Variants in CELF2 observed in about 807,000 individuals in gnomAD.
The protein encoded by CELF2 is CUGBP Elav-like family member 2.
A neutral mutation model predicts 62.6 loss-of-function variants in CELF2; 8 were observed. The observed-to-expected ratio is 0.13, with a 90% confidence interval of 0.07 to 0.23. CELF2 has a LOEUF of 0.23. Ranked by LOEUF, CELF2 falls within the 10% of genes least tolerant of loss-of-function variation. The probability of loss-of-function intolerance (pLI) is 1.00; values close to 1 mark genes in which losing one functional copy is unlikely to be tolerated. For synonymous variants in CELF2, 258 were observed against 250.0 expected (o/e 1.03, Z -0.30); for missense variants, 333 against 671.0 (o/e 0.50, Z 5.56).
At chr10:11,163,379 G>A (rs141867211) in intron 1 of CELF2, among the ~76,000 whole-genome samples, 26 of 152,264 alleles carry the variant, frequency 1.7e-4, no homozygotes, top group African/African-American at 6.0e-4. Flanking sequence ...AATAAGTCTT[G>A]CCACACTCTC....
At chr10:10,696,884 G>T in the CELF2 span, among the ~76,000 whole-genome samples, 1 of 152,176 alleles carries the variant, frequency 6.6e-6, no homozygotes, top group East Asian at 1.9e-4. Context: ...CCACTGTCTG[G>T]CACTCCCTAG....
At chr10:11,139,167 C>T (rs2060898258) in intron 1 of CELF2, among the ~76,000 whole-genome samples, 1 of 152,106 alleles carries the variant, frequency 6.6e-6, no homozygotes, top group African/African-American at 2.4e-5. Flanking sequence ...GAGAATGTTA[C>T]TTGTAAGGAA....
At chr10:10,595,083 C>T in the CELF2 span, among the ~76,000 whole-genome samples, 3 of 152,222 alleles carry the variant, frequency 2.0e-5, no homozygotes, top group East Asian at 1.9e-4. Flanking sequence ...AGTTTGTAGA[C>T]ACACTAGTGT....
At position 10,966,317 on chromosome 10, in the gene CELF2, T is replaced by C. The variant is rs73579410; in HGVS notation, c.89+46318T>C. Among the ~76,000 whole-genome samples the C allele has an allele frequency of 1.9e-3, 288 of 152,312 alleles. 1 individual carries two copies. Among genetic ancestry groups the C allele is most frequent in the African/African-American group, 6.5e-3 (272 of 41,576 alleles). On this transcript the variant is annotated intron_variant, in intron 2 of 13. Transcript: ENST00000636488. ...ATGCTGCTTTTCTTCCAGAGCTGGGTCAATGAGTGTGGTACAGTGGAGCTG... is the reference window on the plus strand; with the variant it reads ...ATGCTGCTTTTCTTCCAGAGCTGGGCCAATGAGTGTGGTACAGTGGAGCTG...
At chr10:11,002,191 G>A (rs1592933087), upstream of CELF2, among the ~76,000 whole-genome samples, 1 of 152,280 alleles carries the variant, frequency 6.6e-6, no homozygotes, top group African/African-American at 2.4e-5. This position sits in a 1 kb window ranked among gnomAD's most constrained non-coding sequence, Gnocchi z 4.4. Context: ...GGAAATGAGA[G>A]CCAAGTGAAA....
At chr10:10,682,503 T>C in the CELF2 span, among the ~76,000 whole-genome samples, 1 of 152,206 alleles carries the variant, frequency 6.6e-6, no homozygotes, top group African/African-American at 2.4e-5. Flanking sequence ...AGGTAAGAGC[T>C]TGCTTCTTGC....
rs2096071213 is a variant in CELF2, at chr10:11,333,778, A to ATTTTGTTGTTTGATGGAAT, written c.*4728_*4746dup. On this transcript the variant is annotated 3_prime_UTR_variant, in exon 13 of 13. Transcript: ENST00000633077. The stretch of plus-strand genomic sequence containing the variant: ...TTGTTTGTTTTATTGATGCATTTGG[A>ATTTTGTTGTTTGATGGAAT]TTTTGTTGTTTGATGGAATTTGAGC... 2 of 152,204 alleles carry ATTTTGTTGTTTGATGGAAT rather than the reference A, an allele frequency of 1.3e-5. No individual in the cohort carries two copies. The highest frequency in any genetic ancestry group is 1.3e-4 in the Admixed American group (2 of 15,242). The allele number at this position is 152,204 out of a possible 1,614,324, so 9.4% of individuals were successfully genotyped here.
At chr10:10,787,457 A>G in the CELF2 span, among the ~76,000 whole-genome samples, 1 of 152,232 alleles carries the variant, frequency 6.6e-6, no homozygotes, top group Non-Finnish European at 1.5e-5. Flanking sequence ...TTAAAAGTGA[A>G]CTCAAGCTTT....
At chr10:10,921,536 G>T (rs2064912975) in intron 2 of CELF2, among the ~76,000 whole-genome samples, 1 of 152,248 alleles carries the variant, frequency 6.6e-6, no homozygotes, top group Non-Finnish European at 1.5e-5. Context: ...CCAAGGTGCT[G>T]GGATTACAGG....
chr10:10,474,679 G>T, the CELF2 span, among the ~76,000 whole-genome samples: 1 of 152,078 alleles, frequency 6.6e-6, no homozygotes, highest in African/African-American at 2.4e-5. Context: ...CCTGCTGTGG[G>T]GGTTATTAGT....
intron 1 of CELF2, among the ~76,000 whole-genome samples, chr10:11,064,116 C>G (rs2067481528): frequency 6.6e-6 from 1 of 152,146 alleles, no homozygotes; most frequent in African/African-American, 2.4e-5. Flanking sequence ...GGAGTTTATG[C>G]TTGTTGTTTC....
chr10:11,235,966 G>A (rs1384643224), intron 3 of CELF2, among the ~76,000 whole-genome samples: 1 of 152,202 alleles, frequency 6.6e-6, no homozygotes, highest in Non-Finnish European at 1.5e-5. Context: ...AATGGAAAAA[G>A]ATTGCTGAGT....
At chr10:11,041,032 G>A (rs67259261) in intron 1 of CELF2, among the ~76,000 whole-genome samples, 33,682 of 152,082 alleles carry the variant, frequency 0.22, 4,001 homozygotes, top group Middle Eastern at 0.29. Flanking sequence ...TGGAGACTAC[G>A]GAGTCCAACA....
At chr10:10,624,149 A>C in the CELF2 span, among the ~76,000 whole-genome samples, 11 of 152,250 alleles carry the variant, frequency 7.2e-5, no homozygotes, top group Non-Finnish European at 1.6e-4. Flanking sequence ...AAGGGTGACA[A>C]ACAGATCCCT....
the CELF2 span, among the ~76,000 whole-genome samples, chr10:10,729,874 C>G: frequency 1.3e-5 from 2 of 152,238 alleles, no homozygotes; most frequent in East Asian, 3.9e-4. Flanking sequence ...ATTACTCTTA[C>G]AGTGAAACCT....
At chr10:10,842,111 A>G (rs2058723506) in intron 1 of CELF2, among the ~76,000 whole-genome samples, 1 of 152,042 alleles carries the variant, frequency 6.6e-6, no homozygotes, top group South Asian at 2.1e-4. Context: ...ATTGCTGTAT[A>G]TGGTGAAAAA....
At chr10:10,806,169 A>G (rs1211339715) in intron 1 of CELF2, among the ~76,000 whole-genome samples, 8 of 150,658 alleles carry the variant, frequency 5.3e-5, no homozygotes, top group African/African-American at 1.7e-4. Flanking sequence ...TATTTCCTGG[A>G]GCAGAGCATG....
At chr10:10,945,231 G>T (rs1435396192) in intron 2 of CELF2, among the ~76,000 whole-genome samples, 1 of 152,312 alleles carries the variant, frequency 6.6e-6, no homozygotes, top group East Asian at 1.9e-4. Flanking sequence ...AAGGTTGTTT[G>T]GTGGAGGGGG....
At chr10:10,515,360 A>AT in the CELF2 span, among the ~76,000 whole-genome samples, 1 of 152,246 alleles carries the variant, frequency 6.6e-6, no homozygotes. Context: ...CATTGGAGTC[A>AT]TATCACATAT....
Sources: gnomAD v4.1 joint callset for allele counts (sites outside exome capture counted in the v4.1 genomes callset) on GRCh38, gnomAD v4.1.1 for gene constraint, Gnocchi (gnomAD v3.1) non-coding constraint, MANE v1.5 for transcripts, NCBI Gene and HGNC (gene_info 2026-07-23, HGNC 2026-07-21) for gene names.